MYH4: variants seen among roughly 807,000 people sequenced by gnomAD.
MYH4 encodes the protein myosin heavy chain 4, also known as myosin-4.
Under a neutral mutation model 229.9 loss-of-function variants are expected in MYH4, and 200 were observed. The observed-to-expected ratio is 0.87, with a 90% confidence interval of 0.78 to 0.98. The LOEUF is 0.98. MYH4 is among the 50% of genes least tolerant of loss of function. The probability of loss-of-function intolerance (pLI) is 0.00; values close to 1 mark genes in which losing one functional copy is unlikely to be tolerated. For synonymous variants in MYH4, 761 were observed against 834.6 expected (o/e 0.91, Z 1.52); for missense variants, 2,148 against 2,332.6 (o/e 0.92, Z 1.63).
In MYH4 at chr17:10,447,236, G is replaced by A. The variant is rs1259582870; in HGVS notation, c.4966-20C>T. ...AGTGTCCTACACAGAAAGAGAAAAA[G>A]CCTCTTACTCATGCTGCACTTAAAG... On this transcript the variant is annotated intron_variant, in intron 34 of 39. Coordinates refer to ENST00000255381, the MANE Select transcript of MYH4 (RefSeq NM_017533.2). 6 of 1,607,110 alleles carry A rather than the reference G, an allele frequency of 3.7e-6. No individual in the cohort carries two copies. In the South Asian group the frequency reaches 6.6e-5, roughly 18 times the overall value.
chr17:10,467,824 G>T (rs1246127132), intron 2 of MYH4, among the ~76,000 whole-genome samples: 3 of 152,168 alleles, frequency 2.0e-5, no homozygotes, highest in African/African-American at 4.8e-5. Context: ...AATAAGTCCT[G>T]CTGTCCTGAT....
At position 10,454,614 on chromosome 17, in the gene MYH4, C is replaced by G; in HGVS notation, c.2632G>C (p.Glu878Gln). ...AKTEAKRKELEEKMVTLMQEK... is the reference protein window; with the variant it reads ...AKTEAKRKELQEKMVTLMQEK... ...TGCATTAGCGTCACCATCTTTTCTT[C>G]TAGTTCTTTCCTTTTTGCCTCTGTC... The change falls in exon 22 of 40, where the codon GAA becomes CAA. Residue 878 changes from glutamate (E) to glutamine (Q), a missense_variant. Physicochemically the swap from Glu to Gln is conservative, Grantham distance 29. Transcript: ENST00000255381. 1 of 1,614,168 alleles carries G rather than the reference C, an allele frequency of 6.2e-7. No individual in the cohort carries two copies. Among genetic ancestry groups the G allele is most frequent in the Non-Finnish European group, 8.5e-7 (1 of 1,180,022 alleles).
At chr17:10,449,112 A>G (rs2072545618) in intron 30 of MYH4, 65 bp from the exon 31 acceptor site, 2 of 1,392,896 alleles carry the variant, frequency 1.4e-6, no homozygotes, top group Non-Finnish European at 1.0e-6. Flanking sequence ...CCCTTTATAA[A>G]GCTGCTGACT....
At position 10,468,578 on chromosome 17, in the gene MYH4, C is replaced by T. The variant is rs144062233; in HGVS notation, c.-40+710G>A. ...ATCATACTAAAAGTACATGTCTCCA[C>T]ATGAACAATTAGCAGGATTCCATTA... On this transcript the variant is annotated intron_variant, in intron 2 of 39. Coordinates refer to ENST00000255381, the MANE Select transcript of MYH4 (RefSeq NM_017533.2). Among the ~76,000 whole-genome samples the T allele has an allele frequency of 3.9e-5, 6 of 152,328 alleles. 1 individual carries two copies. The highest frequency in any genetic ancestry group is 1.4e-4 in the African/African-American group (6 of 41,574).
At chr17:10,454,886 C>A in intron 21 of MYH4, 55 bp downstream of exon 21, 1 of 1,611,024 alleles carries the variant, frequency 6.2e-7, no homozygotes, top group Admixed American at 1.7e-5. Context: ...GTAATGACTG[C>A]AGTGGATTCA....
In MYH4 at chr17:10,455,012, G is replaced by A. The variant is rs2072623110; in HGVS notation, c.2364C>T (p.Leu788=). 3 of 1,614,094 alleles carry A rather than the reference G, an allele frequency of 1.9e-6. No homozygotes were observed. Among genetic ancestry groups the A allele is most frequent in the East Asian group, 2.2e-5 (1 of 44,898 alleles). ...TGCATATGGCTTGAGTGCGCGTGAT[G>A]AGTTGAGCTAGCTTTTCATCTCGCA... The part of the protein sequence containing the change: ...EEMRDEKLAQ[L]ITRTQAICRG... Residue 788 remains leucine (L), a synonymous_variant, in exon 21 of 40, where the codon CTC becomes CTT. Transcript: ENST00000255381.
rs778136086 is a variant in MYH4 at position 10,463,317 on chromosome 17, C to A, written c.805+21G>T. On this transcript the variant is annotated intron_variant, in intron 9 of 39. Transcript: ENST00000255381. ...ACCCACAAAGAAAAAGATTCTCAATCACTAATATTTATTAACTTACATGTT... is the reference window on the plus strand; with the variant it reads ...ACCCACAAAGAAAAAGATTCTCAATAACTAATATTTATTAACTTACATGTT... 3.1e-6 allele frequency: 5 copies of A among 1,589,902 alleles called. No homozygotes were observed. In the South Asian group the frequency reaches 5.7e-5, roughly 18 times the overall value.
intron 30 of MYH4, among the ~76,000 whole-genome samples, chr17:10,450,148 T>C (rs1482976041): frequency 6.6e-6 from 1 of 152,222 alleles, no homozygotes; most frequent in Non-Finnish European, 1.5e-5. Flanking sequence ...TTTTTCCTTC[T>C]ATTAAAAGAT....
At chr17:10,464,379 G>A (rs1022025771) in intron 7 of MYH4, 93 bp downstream of exon 7, 17 of 1,059,978 alleles carry the variant, frequency 1.6e-5, no homozygotes, top group Admixed American at 4.8e-5. Flanking sequence ...TGGTGTATAC[G>A]TACTACATTT....
In MYH4 at chr17:10,455,246, T is replaced by A; in HGVS notation, c.2224A>T (p.Ser742Cys). ...AGAAGTTTCTCAGAAGCCTTCTTGCTGTCAATGAACTGACCCTCTGGGATA... is the reference window on the plus strand; with the variant it reads ...AGAAGTTTCTCAGAAGCCTTCTTGCAGTCAATGAACTGACCCTCTGGGATA... The part of the protein sequence containing the change: ...SAIPEGQFID[S>C]KKASEKLLGS... Residue 742 changes from serine to cysteine, a missense_variant, in exon 20 of 40, where the codon AGC becomes TGC. Coordinates refer to ENST00000255381, the MANE Select transcript of MYH4 (RefSeq NM_017533.2). 1 of 1,614,030 alleles carries A rather than the reference T, an allele frequency of 6.2e-7. No individual in the cohort carries two copies. Among genetic ancestry groups the A allele is most frequent in the South Asian group, 1.1e-5 (1 of 91,090 alleles).
At chr17:10,451,578 GTGGCTATAA>G in intron 27 of MYH4, 126 bp from the exon 28 acceptor site, 1 of 1,080,814 alleles carries the variant, frequency 9.3e-7, no homozygotes, top group Non-Finnish European at 1.3e-6. Flanking sequence ...ATCTTGCATG[GTGGCTATAA>G]AGTAGTAGAG....
intron 2 of MYH4, among the ~76,000 whole-genome samples, chr17:10,467,845 G>C (rs1428460392): frequency 6.6e-6 from 1 of 152,216 alleles, no homozygotes; most frequent in Non-Finnish European, 1.5e-5. Context: ...GGCAAGGACA[G>C]GGTGAGTGGC....
Position 10,450,553 on chromosome 17 carries a change from G to T in MYH4, c.4081C>A (p.Leu1361Met). The T allele has an allele frequency of 6.2e-7, 1 of 1,614,188 alleles. No individual in the cohort carries two copies. Among genetic ancestry groups the T allele is most frequent in the Non-Finnish European group, 8.5e-7 (1 of 1,180,036 alleles). Residue 1361 changes from leucine to methionine, a missense_variant, in exon 30 of 40, where the codon CTG becomes ATG. Leu to Met is a conservative substitution (Grantham distance 15). Transcript: ENST00000255381. ...YEEEQEAKAE[L>M]QRGMSKANSE... ...TTGGCCTTGGACATTCCCCTCTGCA[G>T]CTCAGCCTTGGCTTCCTGCTCCTCC...
At chr17:10,459,503 T>A in intron 14 of MYH4, 82 bp from the exon 15 acceptor site, 1 of 1,604,410 alleles carries the variant, frequency 6.2e-7, no homozygotes, top group East Asian at 2.2e-5. Context: ...TCTTCTGAAT[T>A]TAAGGCATTT....
At position 10,453,672 on chromosome 17, in the gene MYH4, C is replaced by G; in HGVS notation, c.2905G>C (p.Glu969Gln). 1 of 1,614,072 alleles carries G rather than the reference C, an allele frequency of 6.2e-7. No individual in the cohort carries two copies. The change falls in exon 23 of 40, where the codon GAG becomes CAG. Residue 969 changes from glutamate to glutamine, a missense_variant. Coordinates refer to ENST00000255381, the MANE Select transcript of MYH4 (RefSeq NM_017533.2). ...TTCTCTGTGGCATGTTTCTCCTTCT[C>G]AACCTTGGCCAGTGTCAGCTCAAGG... ...DDLELTLAKV[E>Q]KEKHATENKV...
chr17:10,458,193 A>C (rs542145856), intron 15 of MYH4, among the ~76,000 whole-genome samples: 1 of 152,144 alleles, frequency 6.6e-6, no homozygotes, highest in Non-Finnish European at 1.5e-5. Context: ...ACTTTAACCT[A>C]TATTCTCTAC....
chr17:10,462,805 G>A, intron 11 of MYH4, 60 bp downstream of exon 11: 1 of 1,350,088 alleles, frequency 7.4e-7, no homozygotes, highest in South Asian at 1.3e-5. Flanking sequence ...CCCTAATAGA[G>A]GAGAGTGTTG....
In MYH4 at chr17:10,448,126, C is replaced by G. The variant is rs1416166399; in HGVS notation, c.4657G>C (p.Ala1553Pro). ...ELQTSLEEAE[A>P]SLEHEEGKIL... is the part of the protein sequence containing the mutation. ...TTGCCTTCTTCATGCTCAAGAGATG[C>G]CTTAATAAAAGCAACATTTATTTAG... Residue 1553 changes from alanine to proline, a missense_variant and splice_region_variant, in exon 34 of 40, where the codon GCA (alanine) becomes CCA (proline). Physicochemically the swap from Ala to Pro is conservative, Grantham distance 27 (BLOSUM62 -1). Transcript: ENST00000255381. 3 of 1,602,188 alleles carry G rather than the reference C, an allele frequency of 1.9e-6. No individual in the cohort carries two copies. Among genetic ancestry groups the G allele is most frequent in the African/African-American group, 2.7e-5 (2 of 74,104 alleles).
intron 7 of MYH4, among the ~76,000 whole-genome samples, chr17:10,464,183 A>G (rs1342891742): frequency 6.6e-6 from 1 of 151,928 alleles, no homozygotes; most frequent in Non-Finnish European, 1.5e-5. Flanking sequence ...TTCCCCATCT[A>G]GTAGTCTCCA....
Sources: allele counts gnomAD v4.1 joint callset (sites outside exome capture counted in the v4.1 genomes callset), GRCh38; gene constraint gnomAD v4.1.1; transcripts MANE v1.5; gene names NCBI Gene and HGNC (gene_info 2026-07-23, HGNC 2026-07-21).